KSR2: variants seen among roughly 807,000 people sequenced by gnomAD.
The protein encoded by KSR2 is kinase suppressor of ras 2.
A neutral mutation model predicts 107.8 loss-of-function variants in KSR2; 25 were observed. The ratio of observed to expected loss-of-function variants is 0.23; its 90% CI spans 0.17 to 0.32. KSR2 has a LOEUF of 0.32. Ranked by LOEUF, KSR2 falls within the 10% of genes least tolerant of loss-of-function variation. KSR2 has a pLI of 1.00. For missense variants in KSR2, 887 were observed against 1,268.9 expected (o/e 0.70, Z 4.57); for synonymous variants, 480 against 507.0 (o/e 0.95, Z 0.71).
intron 3 of KSR2, among the ~76,000 whole-genome samples, chr12:117,812,760 T>G (rs1236713504): frequency 6.7e-6 from 1 of 148,456 alleles, no homozygotes; most frequent in South Asian, 2.1e-4. Flanking sequence ...GCAATCTCTA[T>G]TAAAATACCA....
At chr12:117,913,276 G>A (rs1406145321) in intron 1 of KSR2, among the ~76,000 whole-genome samples, 6 of 152,080 alleles carry the variant, frequency 3.9e-5, no homozygotes, top group Non-Finnish European at 7.4e-5. Context: ...TAAGGGAAGC[G>A]TAAGAGGTCC....
At position 117,897,257 on chromosome 12, in the gene KSR2, G is replaced by A. The variant is rs143558259; in HGVS notation, c.181-36826C>T. On this transcript the variant is annotated intron_variant, in intron 1 of 19. Coordinates refer to ENST00000339824, the MANE Select transcript of KSR2 (RefSeq NM_173598.6). The surrounding 1 kb of genome is among the most constrained non-coding windows in gnomAD (Gnocchi z 4.5). ...TGATCTGGAGGGGGCAAACATGCCAGGGCAGTGGTGCCAAGGAAATACTTG... is the reference window on the plus strand; with the variant it reads ...TGATCTGGAGGGGGCAAACATGCCAAGGCAGTGGTGCCAAGGAAATACTTG... 8.3e-4 allele frequency among the ~76,000 whole-genome samples: 127 copies of A among 152,328 alleles called. No homozygotes were observed. Among genetic ancestry groups the A allele is most frequent in the East Asian group, 6.2e-3 (32 of 5,184 alleles).
intron 14 of KSR2, among the ~76,000 whole-genome samples, chr12:117,524,356 G>A (rs1874965474): frequency 6.6e-6 from 1 of 152,206 alleles, no homozygotes; most frequent in Non-Finnish European, 1.5e-5. Context: ...TTGCTAAAGA[G>A]TTTTAGCATT....
intron 4 of KSR2, among the ~76,000 whole-genome samples, chr12:117,739,183 G>A (rs1044306347): frequency 2.6e-5 from 4 of 152,050 alleles, no homozygotes; most frequent in South Asian, 4.2e-4. Context: ...GTGAAACCCC[G>A]TCTCTACTAA....
At chr12:117,481,459 A>G (rs1872173202) in intron 16 of KSR2, among the ~76,000 whole-genome samples, 1 of 152,208 alleles carries the variant, frequency 6.6e-6, no homozygotes, top group Non-Finnish European at 1.5e-5. Flanking sequence ...CGGTGCACAG[A>G]GAAGAGGCCA....
At chr12:117,599,917 C>T (rs1880843145) in intron 5 of KSR2, among the ~76,000 whole-genome samples, 1 of 152,136 alleles carries the variant, frequency 6.6e-6, no homozygotes, top group African/African-American at 2.4e-5. Flanking sequence ...AAGATCCCAC[C>T]TAATATTGTT....
At chr12:117,472,276 C>T (rs1446626431) in intron 17 of KSR2, among the ~76,000 whole-genome samples, 1 of 152,144 alleles carries the variant, frequency 6.6e-6, no homozygotes, top group Non-Finnish European at 1.5e-5. Flanking sequence ...TAAGTCATGA[C>T]ATTGTAATTA....
intron 3 of KSR2, among the ~76,000 whole-genome samples, chr12:117,833,319 A>G (rs1892055784): frequency 6.6e-6 from 1 of 152,142 alleles, no homozygotes; most frequent in Non-Finnish European, 1.5e-5. Context: ...GGAATGTTAA[A>G]TATCTGTGCA....
chr12:117,500,630 A>G (rs936958200), intron 14 of KSR2, among the ~76,000 whole-genome samples: 3 of 152,192 alleles, frequency 2.0e-5, no homozygotes, highest in Admixed American at 6.5e-5. Flanking sequence ...TTGGAAATGG[A>G]AGGAACAGAG....
At chr12:117,471,755 G>GTAT in intron 17 of KSR2, among the ~76,000 whole-genome samples, 1 of 152,144 alleles carries the variant, frequency 6.6e-6, no homozygotes, top group Middle Eastern at 3.4e-3. Flanking sequence ...ATGAAATGCT[G>GTAT]TATTATTATT....
chr12:117,594,417 T>C (rs1256754095), intron 5 of KSR2, among the ~76,000 whole-genome samples: 1 of 152,226 alleles, frequency 6.6e-6, no homozygotes, highest in Non-Finnish European at 1.5e-5. Flanking sequence ...ACACTGTCTG[T>C]AGCTTGCAGA....
chr12:117,902,400 G>A (rs1894712473), intron 1 of KSR2, among the ~76,000 whole-genome samples: 1 of 151,488 alleles, frequency 6.6e-6, no homozygotes, highest in South Asian at 2.1e-4. Flanking sequence ...GGAGGCTGAG[G>A]CAGGAGAATC....
At chr12:117,515,517 T>C (rs1010503074) in intron 14 of KSR2, among the ~76,000 whole-genome samples, 2 of 152,154 alleles carry the variant, frequency 1.3e-5, no homozygotes, top group African/African-American at 4.8e-5. Context: ...CTGAGATCCT[T>C]GCTCTCCTGG....
In KSR2 at chr12:117,462,685, G is replaced by C. The variant is rs571881764; in HGVS notation, c.*4514C>G. On this transcript the variant is annotated 3_prime_UTR_variant, in exon 20 of 20. Transcript: ENST00000339824. ...GTCCTAGGAGCCTCACGGAGGTGAG[G>C]GGGGCTTGGGGATATGGTGGCACAG... is the stretch of plus-strand genomic sequence containing the variant. 2.0e-5 allele frequency: 3 copies of C among 152,310 alleles called. No individual in the cohort carries two copies. The highest frequency in any genetic ancestry group is 7.2e-5 in the African/African-American group (3 of 41,440). 9.4% of individuals were successfully genotyped at this position (152,310 alleles called of 1,614,324 possible).
chr12:117,818,092 C>T (rs1317918152), intron 3 of KSR2, among the ~76,000 whole-genome samples: 3 of 147,400 alleles, frequency 2.0e-5, no homozygotes, highest in Non-Finnish European at 4.5e-5. Context: ...CAGAGCGAGA[C>T]TCTGTTTCAA....
At chr12:117,724,541 C>G (rs566087828) in intron 4 of KSR2, among the ~76,000 whole-genome samples, 1 of 152,046 alleles carries the variant, frequency 6.6e-6, no homozygotes, top group African/African-American at 2.4e-5. Context: ...AGCCACACAA[C>G]AAGCATCATC....
intron 1 of KSR2, among the ~76,000 whole-genome samples, chr12:117,903,121 T>G (rs1894739111): frequency 6.6e-6 from 1 of 152,272 alleles, no homozygotes; most frequent in Admixed American, 6.5e-5. Context: ...AGTTATAAAG[T>G]TATTTCCATT....
intron 5 of KSR2, among the ~76,000 whole-genome samples, chr12:117,604,407 G>T (rs1258607293): frequency 1.3e-5 from 2 of 152,144 alleles, no homozygotes; most frequent in Non-Finnish European, 2.9e-5. Flanking sequence ...ATTCGTTTGG[G>T]TACATAAGAA....
intron 3 of KSR2, among the ~76,000 whole-genome samples, chr12:117,830,731 C>T (rs1322101764): frequency 6.6e-6 from 1 of 152,058 alleles, no homozygotes; most frequent in African/African-American, 2.4e-5. Context: ...AGTTAGCAAC[C>T]GATTCCTCTA....
Sources: allele counts gnomAD v4.1 joint callset (sites outside exome capture counted in the v4.1 genomes callset), GRCh38; gene constraint gnomAD v4.1.1; non-coding constraint Gnocchi (gnomAD v3.1); transcripts MANE v1.5; gene names NCBI Gene and HGNC (gene_info 2026-07-23, HGNC 2026-07-21).